Variants in CUL4A observed in about 807,000 individuals in gnomAD.
CUL4A encodes the protein cullin 4A, also known as cullin-4A.
Under a neutral mutation model 95.5 loss-of-function variants are expected in CUL4A, and 16 were observed. The observed-to-expected ratio is 0.17, with a 90% CI of 0.11 to 0.25. The LOEUF (loss-of-function observed/expected upper bound fraction) is 0.25, where lower values mean the gene tolerates loss of function less well. Among genes scored for constraint, CUL4A ranks in the 10% least tolerant of loss-of-function variants. The pLI is 1.00. For missense variants in CUL4A, 610 were observed against 937.0 expected (o/e 0.65, Z 4.56); for synonymous variants, 380 against 353.1 (o/e 1.08, Z -0.85).
At chr13:113,259,605 G>A (rs9603815) in intron 18 of CUL4A, among the ~76,000 whole-genome samples, 9,832 of 152,174 alleles carry the variant, frequency 0.065, 1,071 homozygotes, top group African/African-American at 0.22. Context: ...AGATGGTCAT[G>A]TAATCTAACC....
rs1020142780 is a variant in CUL4A at position 113,258,853 on chromosome 13, C to T, written c.2032-1754C>T. On this transcript the variant is annotated intron_variant, in intron 18 of 19. Coordinates refer to ENST00000375440, the MANE Select transcript of CUL4A (RefSeq NM_001008895.4). ...GAAAGAAGGCCTCTGGCTGCAGCATCGTTGCCAAAAGGGGAAGCTGAGCCA... is the reference window on the plus strand; with the variant it reads ...GAAAGAAGGCCTCTGGCTGCAGCATTGTTGCCAAAAGGGGAAGCTGAGCCA... Among the ~76,000 whole-genome samples, 7 of 152,312 alleles carry T rather than the reference C, an allele frequency of 4.6e-5. No homozygotes were observed. The South Asian group carries it at 8.3e-4, about 18-fold the overall frequency.
At chr13:113,210,742 T>C (rs1035832819) in intron 2 of CUL4A, among the ~76,000 whole-genome samples, 4 of 152,250 alleles carry the variant, frequency 2.6e-5, no homozygotes, top group African/African-American at 9.6e-5. Flanking sequence ...AATATCTATA[T>C]TTTAGGTCAC....
intron 19 of CUL4A, 93 bp downstream of exon 19, chr13:113,260,852 T>A (rs1357570678): frequency 3.0e-6 from 3 of 984,514 alleles, no homozygotes; most frequent in African/African-American, 3.3e-5. Flanking sequence ...TCATTTGACC[T>A]GCATTATTCA....
chr13:113,215,229 G>C (rs892576945), intron 2 of CUL4A, among the ~76,000 whole-genome samples: 1 of 150,232 alleles, frequency 6.7e-6, no homozygotes, highest in Non-Finnish European at 1.5e-5. Context: ...GTCACATCCC[G>C]TGTGGCTGTG....
Position 113,263,502 on chromosome 13 carries a change from A to G in CUL4A, c.2200A>G (p.Lys734Glu). ...TCTTTTTTAGCCTGGAGATTTGAAA[A>G]AGAGAATTGAATCTCTGATAGACAG... is the stretch of plus-strand genomic sequence containing the variant. The part of the protein sequence containing the change: ...KFPVKPGDLK[K>E]RIESLIDRDY... The change falls in exon 20 of 20, where the codon AAG becomes GAG. Residue 734 changes from lysine to glutamate, a missense_variant. Physicochemically the swap from Lys to Glu is moderately conservative, Grantham distance 56. Around this residue, in one of 10 missense-constraint regions of CUL4A, gnomAD observed 31 missense variants for 40.3 expected, o/e 0.77. Coordinates refer to ENST00000375440, the MANE Select transcript of CUL4A (RefSeq NM_001008895.4). The G allele has an allele frequency of 6.2e-7, 1 of 1,600,862 alleles. No homozygotes were observed. Among genetic ancestry groups the G allele is most frequent in the Non-Finnish European group, 8.5e-7 (1 of 1,174,786 alleles).
intron 2 of CUL4A, among the ~76,000 whole-genome samples, chr13:113,210,680 G>C (rs1262937583): frequency 6.6e-6 from 1 of 152,096 alleles, no homozygotes; most frequent in Non-Finnish European, 1.5e-5. Flanking sequence ...ATTTATAAGC[G>C]ACTTTTTTTC....
At chr13:113,243,260 A>G in intron 11 of CUL4A, 100 bp downstream of exon 11, 2 of 1,156,500 alleles carry the variant, frequency 1.7e-6, no homozygotes, top group Non-Finnish European at 2.4e-6. Flanking sequence ...AAATCAACCA[A>G]AATGTTCAAG....
intron 15 of CUL4A, among the ~76,000 whole-genome samples, chr13:113,249,157 G>A (rs1484933937): frequency 2.6e-5 from 4 of 152,212 alleles, no homozygotes; most frequent in Admixed American, 6.5e-5. Context: ...CAATATGTGA[G>A]CTTTTGTGTC....
At chr13:113,256,164 GA>G (rs2042114787) in intron 18 of CUL4A, among the ~76,000 whole-genome samples, 1 of 152,204 alleles carries the variant, frequency 6.6e-6, no homozygotes, top group South Asian at 2.1e-4. Flanking sequence ...CTCTACAAAA[GA>G]AAAAACACCT....
At chr13:113,229,384 C>A in intron 4 of CUL4A, 62 bp from the exon 5 acceptor site, 1 of 1,420,026 alleles carries the variant, frequency 7.0e-7, no homozygotes, top group South Asian at 1.2e-5. Flanking sequence ...GTTAAAAGGC[C>A]TGATCTTTCA....
intron 3 of CUL4A, among the ~76,000 whole-genome samples, chr13:113,227,236 A>T (rs1001776756): frequency 6.6e-6 from 1 of 152,220 alleles, no homozygotes; most frequent in Non-Finnish European, 1.5e-5. Context: ...AGTGTGGCTC[A>T]TCAACAGCAG....
intron 3 of CUL4A, chr13:113,219,495 G>C (rs546462934): frequency 6.3e-6 from 1 of 158,084 alleles, no homozygotes; most frequent in Non-Finnish European, 1.4e-5. Flanking sequence ...CCAGGTTGGG[G>C]CCTCACCTGA....
chr13:113,257,578 C>T (rs1191189457), intron 18 of CUL4A, among the ~76,000 whole-genome samples: 1 of 152,076 alleles, frequency 6.6e-6, no homozygotes, highest in Non-Finnish European at 1.5e-5. Context: ...GGAGGTGCCC[C>T]ACATGTTTAA....
chr13:113,251,928 G>A (rs1421575680), intron 15 of CUL4A, among the ~76,000 whole-genome samples: 2 of 152,178 alleles, frequency 1.3e-5, no homozygotes, highest in Non-Finnish European at 2.9e-5. Context: ...GGGAGGCCAC[G>A]CCCTGGGCTG....
Position 113,260,777 on chromosome 13 carries a change from AT to A in CUL4A, c.2184+19del, listed in dbSNP as rs1339798743. ...CAGTAAAGGTAAATGTAACATTAGCATAATTAAATTTGTAGTATTTGCTAAA... is the reference window on the plus strand; with the variant it reads ...CAGTAAAGGTAAATGTAACATTAGCAAATTAAATTTGTAGTATTTGCTAAA... On this transcript the variant is annotated intron_variant, in intron 19 of 19. Transcript: ENST00000375440. The A allele has an allele frequency of 5.3e-6, 8 of 1,518,584 alleles. No individual in the cohort carries two copies. The highest frequency in any genetic ancestry group is 7.2e-6 in the Non-Finnish European group (8 of 1,112,836). 94.1% of individuals were successfully genotyped at this position (1,518,584 alleles called of 1,614,324 possible). A position where few individuals can be genotyped will look rare whatever the true frequency, so the allele number is the denominator to read the frequency against.
rs1420321734 is a variant in CUL4A, at chr13:113,219,115, T to G, written c.368+67T>G. The G allele has an allele frequency of 3.1e-6, 3 of 953,766 alleles. No homozygotes were observed. In the East Asian group the frequency reaches 7.7e-5, roughly 24 times the overall value. 59.1% of individuals were successfully genotyped at this position (953,766 alleles called of 1,614,324 possible). A position where few individuals can be genotyped will look rare whatever the true frequency, so the allele number is the denominator to read the frequency against. The stretch of plus-strand genomic sequence containing the variant: ...AGTCTTTTAAAACTGAACATTATTA[T>G]GATAAAGAGCTAATGAGTATCCTTA... On this transcript the variant is annotated intron_variant, in intron 3 of 19. Coordinates refer to ENST00000375440, the MANE Select transcript of CUL4A (RefSeq NM_001008895.4).
At chr13:113,252,986 C>T in intron 15 of CUL4A, 96 bp from the exon 16 acceptor site, 1 of 576,558 alleles carries the variant, frequency 1.7e-6, no homozygotes, top group South Asian at 3.1e-5. Context: ...CCTTTTAATT[C>T]AGCCGTGAGA....
Position 113,243,118 on chromosome 13 carries a change from A to T in CUL4A, c.1186A>T (p.Thr396Ser). The change falls in exon 11 of 20, where the codon ACG becomes TCG. Residue 396 changes from threonine (T) to serine (S), a missense_variant. Around this residue, in one of 10 missense-constraint regions of CUL4A, gnomAD observed 153 missense variants for 244.5 expected, o/e 0.63. Coordinates refer to ENST00000375440, the MANE Select transcript of CUL4A (RefSeq NM_001008895.4). Reference sequence around the variant, plus strand: ...CAACCTGATGAAGGAGTCCTTTGAGACGTTCATCAACAAGAGACCCAACAA... The same window carrying T: ...CAACCTGATGAAGGAGTCCTTTGAGTCGTTCATCAACAAGAGACCCAACAA... ...FVNLMKESFE[T>S]FINKRPNKPA... The T allele has an allele frequency of 6.2e-7, 1 of 1,614,114 alleles. No individual in the cohort carries two copies. The highest frequency in any genetic ancestry group is 2.2e-5 in the East Asian group (1 of 44,886).
At chr13:113,208,948 C>G, upstream of CUL4A, 3 of 1,266,232 alleles carry the variant, frequency 2.4e-6, no homozygotes, top group Non-Finnish European at 3.0e-6. Context: ...CCTTTCACTG[C>G]GCTGACCCTT....
Sources: gnomAD v4.1 joint callset for allele counts (sites outside exome capture counted in the v4.1 genomes callset) on GRCh38, gnomAD v4.1.1 for gene constraint, gnomAD v4.1.1 regional missense constraint, MANE v1.5 for transcripts, NCBI Gene and HGNC (gene_info 2026-07-23, HGNC 2026-07-21) for gene names.